Variants in DIAPH1 observed in about 807,000 individuals in gnomAD.
DIAPH1 encodes the protein protein diaphanous homolog 1.
A neutral mutation model predicts 140.7 loss-of-function variants in DIAPH1; 46 were observed. The observed-to-expected ratio is 0.33, with a 90% CI of 0.26 to 0.42. The LOEUF is 0.42. Among genes scored for constraint, DIAPH1 ranks in the 10% least tolerant of loss-of-function variants. The pLI is 1.00. For synonymous variants in DIAPH1, 565 were observed against 551.6 expected, an observed-to-expected ratio of 1.02 and a Z score of -0.34; for missense variants, 1,310 against 1,558.7, an observed-to-expected ratio of 0.84 and a Z score of 2.69.
chr5:141,544,472 C>T (rs961893975), intron 18 of DIAPH1, among the ~76,000 whole-genome samples: 3 of 151,842 alleles, frequency 2.0e-5, no homozygotes, highest in Non-Finnish European at 2.9e-5. Flanking sequence ...AACACTTATC[C>T]GATAAAGAAC....
chr5:141,544,049 G>A (rs985339366), intron 18 of DIAPH1, among the ~76,000 whole-genome samples: 1 of 152,036 alleles, frequency 6.6e-6, no homozygotes, highest in African/African-American at 2.4e-5. Flanking sequence ...GGTGGCTCAC[G>A]CCTGTAATCC....
At chr5:141,560,815 G>C (rs1318478067) in intron 18 of DIAPH1, 1 of 456,110 alleles carries the variant, frequency 2.2e-6, no homozygotes, top group Non-Finnish European at 4.4e-6. Flanking sequence ...AAAGAGAACA[G>C]ATGGAATAAA....
rs753843926 is a variant in DIAPH1, at chr5:141,573,456, A to AG, written c.2358+35dup. 14 of 1,574,818 alleles carry AG rather than the reference A, an allele frequency of 8.9e-6. No individual in the cohort carries two copies. The African/African-American group carries it at 1.8e-4, about 20-fold the overall frequency. ...TCTCAAAAAAAAAAAAAAAAAAAAA[A>AG]GATTGACTGGTGAAGAAATAGACAG... On this transcript the variant is annotated intron_variant, in intron 16 of 27. Transcript: ENST00000389054.
chr5:141,570,834 C>A (rs909073474), intron 18 of DIAPH1, among the ~76,000 whole-genome samples: 7 of 152,042 alleles, frequency 4.6e-5, no homozygotes, highest in Non-Finnish European at 1.0e-4. Flanking sequence ...TACCCTATCA[C>A]AAGGTAGCAC....
At chr5:141,555,479 G>C (rs2099892420) in intron 18 of DIAPH1, among the ~76,000 whole-genome samples, 1 of 152,108 alleles carries the variant, frequency 6.6e-6, no homozygotes, top group Admixed American at 6.5e-5. Context: ...TACAGGAATG[G>C]TGCACTAATT....
In DIAPH1 at chr5:141,527,711, A is replaced by C. The variant is rs1474299564; in HGVS notation, c.3149-14T>G. ...TTTCAGCAGAAACTAAAAAAAAAAA[A>C]AAAAAAAAAAACCATAAAAACAGAC... On this transcript the variant is annotated splice_polypyrimidine_tract_variant and intron_variant, in intron 23 of 27. Transcript: ENST00000389054. 10 of 1,566,854 alleles carry C rather than the reference A, an allele frequency of 6.4e-6. No homozygotes were observed. The highest frequency in any genetic ancestry group is 2.8e-5 in the African/African-American group (2 of 72,270).
chr5:141,559,659 C>T (rs975645556), intron 18 of DIAPH1, among the ~76,000 whole-genome samples: 5 of 152,154 alleles, frequency 3.3e-5, no homozygotes, highest in African/African-American at 9.7e-5. Context: ...TTTCCCAGCA[C>T]ACCCAGGATG....
At chr5:141,546,274 C>T (rs577998030) in intron 18 of DIAPH1, among the ~76,000 whole-genome samples, 59 of 151,886 alleles carry the variant, frequency 3.9e-4, no homozygotes, top group Admixed American at 7.2e-4. Flanking sequence ...CCCAGCTACT[C>T]GGGAGGCTGA....
chr5:141,609,168 CAA>C (rs11405338), intron 1 of DIAPH1, among the ~76,000 whole-genome samples: 27 of 84,330 alleles, frequency 3.2e-4, no homozygotes, highest in Non-Finnish European at 4.1e-4. Context: ...TTACTAAATG[CAA>C]AAAAAAAAAA....
intron 18 of DIAPH1, chr5:141,564,691 A>T (rs1243001731): frequency 6.6e-6 from 1 of 152,260 alleles, no homozygotes; most frequent in African/African-American, 2.4e-5. Flanking sequence ...AAACAAAATA[A>T]CAAAAGGACC....
chr5:141,576,383 G>T (rs1368457648), intron 13 of DIAPH1, 89 bp from the exon 14 acceptor site: 2 of 1,059,434 alleles, frequency 1.9e-6, no homozygotes, highest in Non-Finnish European at 1.5e-6. Context: ...CAGTCTTTTT[G>T]ATCATTTTTA....
At chr5:141,553,938 C>T (rs2099892151) in intron 18 of DIAPH1, among the ~76,000 whole-genome samples, 1 of 151,992 alleles carries the variant, frequency 6.6e-6, no homozygotes, top group South Asian at 2.1e-4. Flanking sequence ...ACATCAGGAA[C>T]AAAATACAGG....
chr5:141,532,981 T>C (rs1367832177), intron 19 of DIAPH1, among the ~76,000 whole-genome samples: 2 of 152,236 alleles, frequency 1.3e-5, no homozygotes, highest in Non-Finnish European at 2.9e-5. Flanking sequence ...TATGTAGTAA[T>C]AGTTATTGAC....
intron 17 of DIAPH1, 41 bp from the exon 18 acceptor site, chr5:141,571,477 T>C (rs1268372707): frequency 2.5e-6 from 4 of 1,590,880 alleles, no homozygotes; most frequent in South Asian, 2.2e-5. Context: ...GCATCCAATA[T>C]TGGAAAGAAA....
chr5:141,541,363 C>T (rs947010833), intron 18 of DIAPH1, among the ~76,000 whole-genome samples: 4 of 152,234 alleles, frequency 2.6e-5, no homozygotes, highest in Middle Eastern at 6.8e-3. Flanking sequence ...AAGATGTTTG[C>T]TCTCACTACT....
At chr5:141,572,519 A>G (rs527564558) in intron 16 of DIAPH1, among the ~76,000 whole-genome samples, 1 of 152,296 alleles carries the variant, frequency 6.6e-6, no homozygotes, top group East Asian at 1.9e-4. Context: ...TGGCCTATGT[A>G]GGCCAGGTGT....
At chr5:141,544,107 G>A (rs918455359) in intron 18 of DIAPH1, among the ~76,000 whole-genome samples, 14 of 151,808 alleles carry the variant, frequency 9.2e-5, no homozygotes, top group African/African-American at 2.7e-4. Context: ...TCAGGAGATC[G>A]AGACCATCCT....
At chr5:141,534,898 A>G (rs1172097685) in intron 18 of DIAPH1, among the ~76,000 whole-genome samples, 1 of 152,108 alleles carries the variant, frequency 6.6e-6, no homozygotes. Flanking sequence ...CCACCATGTT[A>G]TCCTTCCTTT....
At chr5:141,581,522 T>C (rs1034315096) in intron 7 of DIAPH1, among the ~76,000 whole-genome samples, 4 of 152,230 alleles carry the variant, frequency 2.6e-5, no homozygotes, top group Middle Eastern at 3.2e-3. Context: ...TATATGTTTC[T>C]TGTTAATTCT....
Sources: gnomAD v4.1 joint callset for allele counts (sites outside exome capture counted in the v4.1 genomes callset) on GRCh38, gnomAD v4.1.1 for gene constraint, MANE v1.5 for transcripts, NCBI Gene and HGNC (gene_info 2026-07-23, HGNC 2026-07-21) for gene names.